SPATA13: variants seen among roughly 807,000 people sequenced by gnomAD.
SPATA13 encodes spermatogenesis-associated protein 13.
In SPATA13, 50 loss-of-function variants were observed where a neutral mutation model predicts 104.0. That is an observed-to-expected ratio of 0.48 (90% confidence interval 0.38 to 0.61). SPATA13 has a LOEUF of 0.61. SPATA13 is among the 20% of genes least tolerant of loss of function. SPATA13 has a pLI of 0.00. For synonymous variants in SPATA13, 606 were observed against 667.5 expected, an observed-to-expected ratio of 0.91 and a Z score of 1.42; for missense variants, 1,524 against 1,690.6, an observed-to-expected ratio of 0.90 and a Z score of 1.73.
At chr13:24,232,970 T>C (rs770462695) in intron 2 of SPATA13, among the ~76,000 whole-genome samples, 58 of 152,258 alleles carry the variant, frequency 3.8e-4, no homozygotes, top group Non-Finnish European at 7.2e-4. Context: ...TCTTCTGTGT[T>C]ATTTTCTGGA....
chr13:24,283,903 A>G lies in SPATA13; in HGVS notation c.2165-232A>G, dbSNP rs1305990346. On this transcript the variant is annotated intron_variant, in intron 4 of 12. Transcript: ENST00000382108. Reference sequence around the variant, plus strand: ...ATATCCTGATGGTCTTCACTCTGCAAATGGTATTGTGTTGGCAATACACTC... The same window carrying G: ...ATATCCTGATGGTCTTCACTCTGCAGATGGTATTGTGTTGGCAATACACTC... 3.9e-5 allele frequency among the ~76,000 whole-genome samples: 6 copies of G among 152,210 alleles called. No homozygotes were observed. The East Asian group carries it at 1.2e-3, about 29-fold the overall frequency.
chr13:24,286,130 C>A lies in SPATA13; in HGVS notation c.2302-84C>A. 7.4e-7 allele frequency: 1 copy of A among 1,345,396 alleles called. No homozygotes were observed. Among genetic ancestry groups the A allele is most frequent in the Non-Finnish European group, 1.0e-6 (1 of 973,696 alleles). 83.3% of individuals were successfully genotyped at this position (1,345,396 alleles called of 1,614,324 possible). A position where few individuals can be genotyped will look rare whatever the true frequency, so the allele number is the denominator to read the frequency against. On this transcript the variant is annotated intron_variant, in intron 5 of 12. Coordinates refer to ENST00000382108, the MANE Select transcript of SPATA13 (RefSeq NM_001166271.3). This position sits in a 1 kb window ranked among gnomAD's most constrained non-coding sequence, Gnocchi z 4.9. The stretch of plus-strand genomic sequence containing the variant: ...TCCAAGTGAGAGGATACCAGTGTCA[C>A]CCTGAGAGAGTGCACCTAGTGGCTC...
intron 1 of SPATA13, among the ~76,000 whole-genome samples, chr13:24,181,643 G>T (rs1868814419): frequency 6.6e-6 from 1 of 151,960 alleles, no homozygotes; most frequent in Admixed American, 6.6e-5. Flanking sequence ...TCCACATCTT[G>T]TCCCACTAGA....
intron 3 of SPATA13, among the ~76,000 whole-genome samples, chr13:24,126,939 G>A (rs1057039054): frequency 5.3e-5 from 8 of 152,308 alleles, no homozygotes; most frequent in African/African-American, 1.9e-4. Flanking sequence ...ATAATGGGAA[G>A]ACTGGAGATT....
intron 3 of SPATA13, among the ~76,000 whole-genome samples, chr13:24,057,624 A>C (rs1458155445): frequency 1.4e-5 from 2 of 146,504 alleles, no homozygotes; most frequent in Non-Finnish European, 3.1e-5. Context: ...TTTTCTCTCC[A>C]CCCTACCCCT....
At chr13:24,271,009 C>CCCCT (rs1874560822) in intron 4 of SPATA13, 1 of 813,574 alleles carries the variant, frequency 1.2e-6, no homozygotes, top group Admixed American at 1.9e-5. Context: ...CTCTCTCTCT[C>CCCCT]CACTCTCTCT....
At chr13:24,032,714 T>C (rs1877527704) in intron 3 of SPATA13, among the ~76,000 whole-genome samples, 1 of 151,938 alleles carries the variant, frequency 6.6e-6, no homozygotes, top group Non-Finnish European at 1.5e-5. Context: ...TATTTGAGAG[T>C]TAAGTTTGCC....
At chr13:24,012,306 A>G (rs1876505539) in intron 2 of SPATA13, among the ~76,000 whole-genome samples, 1 of 152,246 alleles carries the variant, frequency 6.6e-6, no homozygotes, top group South Asian at 2.1e-4. Flanking sequence ...CCTCTGAGGC[A>G]TAGGGCAGCT....
chr13:24,115,871 A>G (rs550276878), intron 3 of SPATA13, among the ~76,000 whole-genome samples: 31 of 152,330 alleles, frequency 2.0e-4, no homozygotes, highest in African/African-American at 7.5e-4. Flanking sequence ...AGGCAGCCTC[A>G]GCTCCTCACC....
intron 2 of SPATA13, among the ~76,000 whole-genome samples, chr13:23,997,871 C>T (rs2765167): frequency 0.77 from 117,236 of 151,994 alleles, 45,357 homozygotes; most frequent in African/African-American, 0.81. Flanking sequence ...AAACACTTCC[C>T]ACTAGGCCCC....
rs918303984 is a variant in SPATA13 at position 24,011,319 on chromosome 13, C to T, written c.-146-6348C>T. Among the ~76,000 whole-genome samples the T allele has an allele frequency of 1.3e-5, 2 of 152,182 alleles. No individual in the cohort carries two copies. Among genetic ancestry groups the T allele is most frequent in the Non-Finnish European group, 2.9e-5 (2 of 68,046 alleles). ...CTTTCATTTCTGAGGCAGTGCCGGC[C>T]GGCTTGGCCATCTCATGCTGTCTCA... On this transcript the variant is annotated intron_variant, in intron 2 of 14. Transcript: ENST00000424834. This position sits in a 1 kb window ranked among gnomAD's most constrained non-coding sequence, Gnocchi z 4.3.
At chr13:24,281,925 C>G (rs7989087) in intron 4 of SPATA13, among the ~76,000 whole-genome samples, 1 of 152,154 alleles carries the variant, frequency 6.6e-6, no homozygotes, top group East Asian at 1.9e-4. Flanking sequence ...TCCTCCTCAT[C>G]ATGACAGCCC....
At chr13:24,198,228 T>C (rs943593595) in intron 1 of SPATA13, among the ~76,000 whole-genome samples, 3 of 151,950 alleles carry the variant, frequency 2.0e-5, no homozygotes, top group Non-Finnish European at 2.9e-5. Flanking sequence ...CTCCTGACCT[T>C]GTGATCTGCC....
At chr13:24,019,652 A>G (rs932219582) in intron 3 of SPATA13, among the ~76,000 whole-genome samples, 5 of 152,208 alleles carry the variant, frequency 3.3e-5, no homozygotes, top group Admixed American at 6.5e-5. Flanking sequence ...TAGAATAAAT[A>G]TCATTAATGA....
At chr13:24,159,916 A>G (rs1322292559), upstream of SPATA13, among the ~76,000 whole-genome samples, 6 of 152,342 alleles carry the variant, frequency 3.9e-5, no homozygotes, top group African/African-American at 1.4e-4. Context: ...TTAGCTGCCT[A>G]TCAGGGAACA....
At chr13:24,122,007 T>C in intron 3 of SPATA13, 1 of 1,202,532 alleles carries the variant, frequency 8.3e-7, no homozygotes, top group East Asian at 2.3e-5. Flanking sequence ...CTGGAACCAC[T>C]GCTAGGACGA....
chr13:24,286,933 C>G lies in SPATA13; in HGVS notation c.2650C>G (p.Leu884Val). ...MDTERVYIKH[L>V]RDICEGYIRQ... Reference sequence around the variant, plus strand: ...CACCGAGCGGGTGTACATCAAACACCTCAGGGACATCTGTGAGGTGGGACG... The same window carrying G: ...CACCGAGCGGGTGTACATCAAACACGTCAGGGACATCTGTGAGGTGGGACG... Residue 884 changes from leucine to valine, a missense_variant, in exon 7 of 13, where the codon CTC becomes GTC. Around this residue, in one of 2 missense-constraint regions of SPATA13, gnomAD observed 435 missense variants for 554.8 expected, o/e 0.78. Transcript: ENST00000382108. This position sits in a 1 kb window ranked among gnomAD's most constrained non-coding sequence, Gnocchi z 4.9. 1 of 1,613,616 alleles carries G rather than the reference C, an allele frequency of 6.2e-7. No homozygotes were observed. The highest frequency in any genetic ancestry group is 1.1e-5 in the South Asian group (1 of 91,070).
At chr13:24,281,529 C>G (rs568247389) in intron 4 of SPATA13, among the ~76,000 whole-genome samples, 1 of 152,224 alleles carries the variant, frequency 6.6e-6, no homozygotes, top group African/African-American at 2.4e-5. Context: ...GGTGCGGACC[C>G]ATGGGCCATG....
intron 1 of SPATA13, among the ~76,000 whole-genome samples, chr13:24,169,607 G>C (rs1234088570): frequency 6.6e-6 from 1 of 152,192 alleles, no homozygotes; most frequent in African/African-American, 2.4e-5. Flanking sequence ...AGGTCATGTG[G>C]CTCCGGGAGC....
Sources: gnomAD v4.1 joint callset for allele counts (sites outside exome capture counted in the v4.1 genomes callset) on GRCh38, gnomAD v4.1.1 for gene constraint, gnomAD v4.1.1 regional missense constraint, Gnocchi (gnomAD v3.1) non-coding constraint, MANE v1.5 for transcripts, NCBI Gene and HGNC (gene_info 2026-07-23, HGNC 2026-07-21) for gene names.